The following NKAIN3 variants were observed in gnomAD, a reference collection of about 807,000 sequenced individuals.
NKAIN3 encodes sodium/potassium transporting ATPase interacting 3.
A neutral mutation model predicts 30.2 loss-of-function variants in NKAIN3; 25 were observed. That is an observed-to-expected ratio of 0.83 (90% confidence interval 0.60 to 1.16). NKAIN3 has a LOEUF of 1.16. Among genes scored for constraint, NKAIN3 ranks in the 50% most tolerant of loss-of-function variants. The pLI is 0.00. For synonymous variants in NKAIN3, 91 were observed against 89.6 expected (o/e 1.02, Z -0.09); for missense variants, 225 against 254.1 (o/e 0.89, Z 0.78).
At chr8:62,846,355 G>A (rs1447432518) in intron 4 of NKAIN3, among the ~76,000 whole-genome samples, 1 of 151,972 alleles carries the variant, frequency 6.6e-6, no homozygotes, top group Non-Finnish European at 1.5e-5. Flanking sequence ...GGGTACATGT[G>A]CAGGATGTGC....
At chr8:62,847,996 T>A (rs1186350922) in intron 4 of NKAIN3, among the ~76,000 whole-genome samples, 5 of 152,136 alleles carry the variant, frequency 3.3e-5, no homozygotes, top group Non-Finnish European at 7.4e-5. Flanking sequence ...TGTAGGTGTG[T>A]GGCCTTATTT....
intron 1 of NKAIN3, among the ~76,000 whole-genome samples, chr8:62,372,686 C>T (rs1303957925): frequency 6.6e-6 from 1 of 151,968 alleles, no homozygotes; most frequent in East Asian, 1.9e-4. Context: ...GTTCTCAATT[C>T]ATTTTTATTT....
chr8:62,987,265 C>T (rs184104712), downstream of NKAIN3, among the ~76,000 whole-genome samples: 120 of 152,038 alleles, frequency 7.9e-4, 1 homozygote, highest in African/African-American at 2.8e-3. Flanking sequence ...TGGTGGCTGG[C>T]GTGTGCCTGT....
intron 1 of NKAIN3, among the ~76,000 whole-genome samples, chr8:62,460,305 G>A (rs1207189061): frequency 6.6e-6 from 1 of 151,836 alleles, no homozygotes; most frequent in African/African-American, 2.4e-5. Context: ...CCAGCTACTT[G>A]GGAGGCTGAG....
chr8:62,760,661 G>GAT (rs1156379211), intron 4 of NKAIN3, among the ~76,000 whole-genome samples: 4 of 151,512 alleles, frequency 2.6e-5, no homozygotes, highest in Non-Finnish European at 5.9e-5. Flanking sequence ...AGCATTAGGA[G>GAT]ATATACCTAA....
intron 1 of NKAIN3, among the ~76,000 whole-genome samples, chr8:62,284,236 T>C (rs972668659): frequency 1.3e-5 from 2 of 152,174 alleles, no homozygotes; most frequent in African/African-American, 4.8e-5. Context: ...GTCAATTTTC[T>C]GGTTGTTGTA....
intron 1 of NKAIN3, among the ~76,000 whole-genome samples, chr8:62,575,579 A>C (rs1810082359): frequency 6.6e-6 from 1 of 152,136 alleles, no homozygotes; most frequent in South Asian, 2.1e-4. Context: ...CTACCAAAAT[A>C]CCAATGACAT....
At chr8:62,890,399 A>G (rs551758270) in intron 4 of NKAIN3, among the ~76,000 whole-genome samples, 1 of 152,214 alleles carries the variant, frequency 6.6e-6, no homozygotes, top group East Asian at 1.9e-4. Flanking sequence ...TACTTTCCTC[A>G]TTCAAGCCCA....
At chr8:62,785,077 A>G (rs1013102881) in intron 4 of NKAIN3, among the ~76,000 whole-genome samples, 1 of 152,154 alleles carries the variant, frequency 6.6e-6, no homozygotes, top group Non-Finnish European at 1.5e-5. Context: ...TAAATACAGA[A>G]CTTCTGTGTA....
chr8:62,621,890 A>G (rs750581222), intron 3 of NKAIN3, among the ~76,000 whole-genome samples: 11 of 152,070 alleles, frequency 7.2e-5, no homozygotes, highest in Non-Finnish European at 1.5e-4. Flanking sequence ...TGAACAGTCA[A>G]GATACAAAAT....
intron 3 of NKAIN3, among the ~76,000 whole-genome samples, chr8:62,737,135 T>C (rs919273824): frequency 2.6e-5 from 4 of 152,176 alleles, no homozygotes; most frequent in Non-Finnish European, 1.5e-5. Context: ...CAGTAGACCT[T>C]GGAGCAAAAG....
At chr8:62,799,669 A>G (rs939545725) in intron 4 of NKAIN3, among the ~76,000 whole-genome samples, 1 of 152,244 alleles carries the variant, frequency 6.6e-6, no homozygotes, top group Non-Finnish European at 1.5e-5. Context: ...TAAATCTACC[A>G]TTTGATCCAG....
At chr8:62,781,925 A>T (rs1424744035) in intron 4 of NKAIN3, among the ~76,000 whole-genome samples, 1 of 152,106 alleles carries the variant, frequency 6.6e-6, no homozygotes, top group Admixed American at 6.6e-5. Context: ...ACAGGCAATG[A>T]AATCCAAAAT....
rs1823864370 is a variant in NKAIN3 at position 62,972,911 on chromosome 8, TAA to T, written c.*7505_*7506del. On this transcript the variant is annotated 3_prime_UTR_variant, in exon 7 of 7. Coordinates refer to ENST00000623646, the MANE Select transcript of NKAIN3 (RefSeq NM_001304533.3). ...TCATTGTTCAACTCCCACTTAAGAG[TAA>T]GAATATGCAGTGTTTGTTTTTTGTT... 7.7e-6 allele frequency among the ~76,000 whole-genome samples: 1 copy of T among 129,086 alleles called. No individual in the cohort carries two copies. Among genetic ancestry groups the T allele is most frequent in the Non-Finnish European group, 1.7e-5 (1 of 59,094 alleles). 84.7% of individuals were successfully genotyped at this position (129,086 alleles called of 152,430 possible). A position where few individuals can be genotyped will look rare whatever the true frequency, so the allele number is the denominator to read the frequency against.
At chr8:62,904,870 G>A (rs912729227) in intron 4 of NKAIN3, among the ~76,000 whole-genome samples, 3 of 152,160 alleles carry the variant, frequency 2.0e-5, no homozygotes, top group African/African-American at 7.2e-5. Flanking sequence ...CATGCGAAAT[G>A]TGCCTTATTC....
chr8:62,681,715 A>G (rs1219545745), intron 3 of NKAIN3, among the ~76,000 whole-genome samples: 1 of 152,226 alleles, frequency 6.6e-6, no homozygotes, highest in African/African-American at 2.4e-5. Context: ...ATGATCTTCT[A>G]TGTCATTAGA....
At position 62,730,906 on chromosome 8, in the gene NKAIN3, C is replaced by T. The variant is rs568804902; in HGVS notation, c.274-16026C>T. On this transcript the variant is annotated intron_variant, in intron 3 of 6. Coordinates refer to ENST00000623646, the MANE Select transcript of NKAIN3 (RefSeq NM_001304533.3). ...TAAGTATTATGGAATCATAGATTTT[C>T]ACTGATTCAGTGTGTTTTAGTAGGC... 9.2e-5 allele frequency among the ~76,000 whole-genome samples: 14 copies of T among 152,272 alleles called. No homozygotes were observed. In the South Asian group the frequency reaches 2.9e-3, roughly 32 times the overall value.
At chr8:62,798,382 T>C (rs1817937432) in intron 4 of NKAIN3, among the ~76,000 whole-genome samples, 1 of 152,038 alleles carries the variant, frequency 6.6e-6, no homozygotes, top group African/African-American at 2.4e-5. Context: ...CCATCCTGGC[T>C]AACACGGTGA....
At chr8:62,356,399 C>A (rs953538291) in intron 1 of NKAIN3, among the ~76,000 whole-genome samples, 2 of 151,970 alleles carry the variant, frequency 1.3e-5, no homozygotes, top group African/African-American at 4.8e-5. Context: ...AATCTACAAA[C>A]CATAACTTAC....
Sources: gnomAD v4.1 joint callset for allele counts (sites outside exome capture counted in the v4.1 genomes callset) on GRCh38, gnomAD v4.1.1 for gene constraint, MANE v1.5 for transcripts, NCBI Gene and HGNC (gene_info 2026-07-23, HGNC 2026-07-21) for gene names.